Variants in KLF13 observed in about 807,000 individuals in gnomAD.
KLF13 encodes the protein KLF transcription factor 13, also known as Krueppel-like factor 13.
A neutral mutation model predicts 16.7 loss-of-function variants in KLF13; 8 were observed. That is an observed-to-expected ratio of 0.48 (90% CI 0.28 to 0.87). The LOEUF (loss-of-function observed/expected upper bound fraction) is 0.87. KLF13 is among the 40% of genes least tolerant of loss of function. KLF13 has a pLI of 0.10. For synonymous variants in KLF13, 245 were observed against 208.4 expected, an observed-to-expected ratio of 1.18 and a Z score of -1.51; for missense variants, 447 against 452.2, an observed-to-expected ratio of 0.99 and a Z score of 0.10.
intron 1 of KLF13, among the ~76,000 whole-genome samples, chr15:31,336,513 C>T (rs1297007266): frequency 6.6e-6 from 1 of 152,198 alleles, no homozygotes; most frequent in East Asian, 1.9e-4. Context: ...ATTTCCTCCT[C>T]TGATAAACTT....
intron 1 of KLF13, among the ~76,000 whole-genome samples, chr15:31,431,155 C>T (rs1417138597): frequency 6.6e-6 from 1 of 152,170 alleles, no homozygotes; most frequent in East Asian, 1.9e-4. Flanking sequence ...TCTCACTCCA[C>T]CATGTGTGGA....
intron 1 of KLF13, 26 bp from the exon 2 acceptor site, chr15:31,371,984 C>CGTA (rs781218725): frequency 6.3e-7 from 1 of 1,577,626 alleles, no homozygotes; most frequent in African/African-American, 1.3e-5. Context: ...GGTGCGGATA[C>CGTA]TGATGCTCTG....
intron 1 of KLF13, among the ~76,000 whole-genome samples, chr15:31,344,085 A>G (rs999833704): frequency 1.3e-5 from 2 of 151,546 alleles, no homozygotes; most frequent in African/African-American, 2.4e-5. Context: ...ATGTTTTCCA[A>G]CCCCCTGGGA....
In KLF13 at chr15:31,396,048, G is replaced by A. The variant is rs565825285; in HGVS notation, n.529+2357G>A. ...TTTCTTTCTTTCTTTTTTTTGAGAC[G>A]GAGTTTCGCTCTTGTTTCCCATGCT... On this transcript the variant is annotated intron_variant and non_coding_transcript_variant, in intron 2 of 2. Transcript: ENST00000500533. Among the ~76,000 whole-genome samples, 271 of 152,040 alleles carry A rather than the reference G, an allele frequency of 1.8e-3. 1 individual carries two copies. The highest frequency in any genetic ancestry group is 2.1e-3 in the Non-Finnish European group (146 of 67,972).
chr15:31,407,475 G>A (rs1443556213), downstream of KLF13, among the ~76,000 whole-genome samples: 5 of 152,218 alleles, frequency 3.3e-5, no homozygotes, highest in African/African-American at 1.2e-4. Flanking sequence ...AAGGCTGGAG[G>A]GAAAACTGTC....
chr15:31,390,687 G>A (rs1027960069), upstream of KLF13, among the ~76,000 whole-genome samples: 2 of 152,106 alleles, frequency 1.3e-5, no homozygotes, highest in Non-Finnish European at 2.9e-5. Flanking sequence ...GGTCTGCAAC[G>A]CTTTCCTCTA....
At chr15:31,356,506 C>T (rs1566814871) in intron 1 of KLF13, among the ~76,000 whole-genome samples, 3 of 152,218 alleles carry the variant, frequency 2.0e-5, no homozygotes, top group South Asian at 2.1e-4. Flanking sequence ...GAGCCAAGAT[C>T]GCGCCACTGC....
intron 1 of KLF13, chr15:31,420,742 G>C (rs1208587943): frequency 4.0e-6 from 1 of 248,572 alleles, no homozygotes; most frequent in African/African-American, 2.3e-5. Flanking sequence ...GCCCAGGCTG[G>C]AGTGCAGTGG....
rs1566822962 is a variant in KLF13 at position 31,372,204 on chromosome 15, C to T, written c.772C>T (p.Gln258Ter). ...CGCCAACTTCCACCCGGGAATGCTG[C>T]AGCGGCGCGGCGGGGGCTCGCGGAC... Reference protein sequence around the residue: ...RHANFHPGMLQRRGGGSRTGS... With the variant: ...RHANFHPGML The change falls in exon 2 of 2, where the codon CAG becomes TAG. Residue 258 changes from glutamine (Q) to a stop codon, truncating the protein, a stop_gained. Coordinates refer to ENST00000307145, the MANE Select transcript of KLF13 (RefSeq NM_015995.4). LOFTEE classifies it high-confidence loss of function. 6.2e-7 allele frequency: 1 copy of T among 1,607,088 alleles called. No individual in the cohort carries two copies.
chr15:31,365,631 C>T (rs1013300767), intron 1 of KLF13, among the ~76,000 whole-genome samples: 1 of 147,248 alleles, frequency 6.8e-6, no homozygotes, highest in South Asian at 2.2e-4. Flanking sequence ...GCCCACTCAC[C>T]TGTGGGGGGT....
At chr15:31,358,889 C>T (rs770432588) in intron 1 of KLF13, among the ~76,000 whole-genome samples, 15 of 152,334 alleles carry the variant, frequency 9.8e-5, no homozygotes, top group African/African-American at 3.1e-4. Context: ...CTCCTGAAGC[C>T]AGGGAACATT....
intron 1 of KLF13, among the ~76,000 whole-genome samples, chr15:31,328,726 C>T (rs1381581224): frequency 2.6e-5 from 4 of 152,230 alleles, no homozygotes; most frequent in Admixed American, 6.5e-5. Context: ...GTTGATTCAT[C>T]TGTGGCGGTT....
At chr15:31,401,855 G>A (rs1386746480) in intron 2 of KLF13, among the ~76,000 whole-genome samples, 1 of 152,170 alleles carries the variant, frequency 6.6e-6, no homozygotes, top group East Asian at 1.9e-4. Context: ...AGCAGACACT[G>A]TCTCACCATT....
At chr15:31,380,511 C>G (rs963836613), downstream of KLF13, among the ~76,000 whole-genome samples, 1 of 152,154 alleles carries the variant, frequency 6.6e-6, no homozygotes, top group South Asian at 2.1e-4. Context: ...TCATCAAGAC[C>G]CTCTGACACT....
intron 1 of KLF13, among the ~76,000 whole-genome samples, chr15:31,368,945 G>T (rs1434521251): frequency 6.6e-6 from 1 of 152,126 alleles, no homozygotes; most frequent in African/African-American, 2.4e-5. Context: ...CTTCTTTTCT[G>T]ATTTTAGTTG....
intron 1 of KLF13, among the ~76,000 whole-genome samples, chr15:31,331,400 C>G (rs1342322606): frequency 1.3e-5 from 2 of 152,222 alleles, no homozygotes. Flanking sequence ...TATCTTTACC[C>G]ACTGAAGCAA....
chr15:31,394,927 A>C (rs966506808), intron 2 of KLF13, among the ~76,000 whole-genome samples: 5 of 152,102 alleles, frequency 3.3e-5, no homozygotes, highest in Non-Finnish European at 5.9e-5. Flanking sequence ...ACTTAGCATA[A>C]ATTTTTAAGT....
chr15:31,423,113 G>GTA (rs758942289), intron 1 of KLF13, among the ~76,000 whole-genome samples: 4 of 109,066 alleles, frequency 3.7e-5, no homozygotes, highest in Admixed American at 2.5e-4. Flanking sequence ...ATACGTATAC[G>GTA]TATATATACG....
chr15:31,394,436 C>G (rs12591212), intron 2 of KLF13, among the ~76,000 whole-genome samples: 141,982 of 151,618 alleles, frequency 0.94, 66,628 homozygotes, highest in East Asian at 1. Flanking sequence ...GCAGTGAGCC[C>G]AGATTGGGCC....
Sources: gnomAD v4.1 joint callset for allele counts (sites outside exome capture counted in the v4.1 genomes callset) on GRCh38, gnomAD v4.1.1 for gene constraint, MANE v1.5 for transcripts, NCBI Gene and HGNC (gene_info 2026-07-23, HGNC 2026-07-21) for gene names.